CDH12: variants seen among roughly 807,000 people sequenced by gnomAD.
The protein encoded by CDH12 is cadherin 12, also known as cadherin-12.
CDH12 carries 41 observed loss-of-function variants against 74.1 expected under a neutral mutation model. That is an observed-to-expected ratio of 0.55 (90% CI 0.43 to 0.72). The LOEUF is 0.72. CDH12 is among the 30% of genes least tolerant of loss of function. The probability of loss-of-function intolerance (pLI) is 0.00; values close to 1 mark genes in which losing one functional copy is unlikely to be tolerated. For synonymous variants in CDH12, 399 were observed against 355.0 expected, an observed-to-expected ratio of 1.12 and a Z score of -1.39; for missense variants, 945 against 977.2, an observed-to-expected ratio of 0.97 and a Z score of 0.44.
Position 22,275,879 on chromosome 5 carries a change from C to G in CDH12, c.-332-63236G>C, listed in dbSNP as rs116500071. Among the ~76,000 whole-genome samples the G allele has an allele frequency of 7.9e-3, 1,197 of 152,136 alleles. 15 individuals are homozygous for G. Among genetic ancestry groups the G allele is most frequent in the African/African-American group, 0.027 (1,125 of 41,506 alleles). On this transcript the variant is annotated intron_variant, in intron 3 of 14. Transcript: ENST00000382254. ...AAAACCTCTACGACTAGTTCTTTGC[C>G]CAATTGGTGATTTAATTGGTGACAG...
At chr5:22,318,925 C>T (rs1219538468) in intron 3 of CDH12, among the ~76,000 whole-genome samples, 1 of 151,924 alleles carries the variant, frequency 6.6e-6, no homozygotes, top group Non-Finnish European at 1.5e-5. Flanking sequence ...ATGTATGTGT[C>T]AATGTCTCTG....
intron 2 of CDH12, among the ~76,000 whole-genome samples, chr5:22,478,781 T>A (rs1338594394): frequency 2.0e-5 from 3 of 152,156 alleles, no homozygotes; most frequent in African/African-American, 7.2e-5. Context: ...ACCCTCTATA[T>A]CATAAATATT....
intron 7 of CDH12, among the ~76,000 whole-genome samples, chr5:21,853,358 C>T (rs937737922): frequency 2.6e-5 from 4 of 151,564 alleles, no homozygotes; most frequent in African/African-American, 4.8e-5. Flanking sequence ...AGTACCGATA[C>T]TCCCTTCTTA....
intron 3 of CDH12, among the ~76,000 whole-genome samples, chr5:22,384,053 G>T (rs1388819115): frequency 6.6e-6 from 1 of 151,776 alleles, no homozygotes; most frequent in Non-Finnish European, 1.5e-5. Context: ...CTCAAACCTG[G>T]AATGTAAAGA....
At chr5:22,160,143 A>G (rs2150318103) in intron 4 of CDH12, among the ~76,000 whole-genome samples, 1 of 152,344 alleles carries the variant, frequency 6.6e-6, no homozygotes, top group Admixed American at 6.5e-5. Flanking sequence ...CTTCAGTTCA[A>G]TAGGGTATCC....
At chr5:22,448,850 A>G (rs546689762) in intron 2 of CDH12, among the ~76,000 whole-genome samples, 243 of 152,120 alleles carry the variant, frequency 1.6e-3, no homozygotes, top group African/African-American at 5.6e-3. Flanking sequence ...CTGGGCAACA[A>G]TAACTGAAAT....
At chr5:22,504,930 G>T (rs271100) in intron 2 of CDH12, among the ~76,000 whole-genome samples, 23,881 of 151,784 alleles carry the variant, frequency 0.16, 1,936 homozygotes, top group Middle Eastern at 0.2. Context: ...AATAAAAAAG[G>T]CAGAAATCAC....
chr5:21,937,436 T>A (rs973893547), intron 6 of CDH12, among the ~76,000 whole-genome samples: 1 of 152,108 alleles, frequency 6.6e-6, no homozygotes, highest in African/African-American at 2.4e-5. Context: ...AGGTTAAAGA[T>A]GATTTGGACC....
At chr5:22,057,796 G>A (rs1329703171) in intron 5 of CDH12, among the ~76,000 whole-genome samples, 1 of 152,152 alleles carries the variant, frequency 6.6e-6, no homozygotes, top group South Asian at 2.1e-4. Flanking sequence ...ATGGAGCGAT[G>A]ATGAAGATCT....
intron 5 of CDH12, among the ~76,000 whole-genome samples, chr5:22,071,247 G>A (rs1396423685): frequency 6.6e-6 from 1 of 151,830 alleles, no homozygotes; most frequent in Non-Finnish European, 1.5e-5. Context: ...TTTCTCTGGA[G>A]AATCCTAACT....
chr5:22,191,628 G>A (rs1750301104), intron 4 of CDH12, among the ~76,000 whole-genome samples: 1 of 57,002 alleles, frequency 1.8e-5, no homozygotes, highest in African/African-American at 5.2e-5. Flanking sequence ...GCAGTGGCGG[G>A]ATCTCGGCTC....
chr5:22,275,093 C>G (rs900465670), intron 3 of CDH12, among the ~76,000 whole-genome samples: 1 of 151,954 alleles, frequency 6.6e-6, no homozygotes, highest in African/African-American at 2.4e-5. Flanking sequence ...GAAAAGGACA[C>G]AGAGAGGGGA....
At chr5:22,597,193 C>A (rs1037985070) in intron 1 of CDH12, among the ~76,000 whole-genome samples, 32 of 152,260 alleles carry the variant, frequency 2.1e-4, no homozygotes, top group African/African-American at 6.5e-4. Context: ...AATACTCTCC[C>A]ATTTTTACAT....
chr5:22,606,314 C>T (rs1308009722), intron 1 of CDH12, among the ~76,000 whole-genome samples: 1 of 152,132 alleles, frequency 6.6e-6, no homozygotes, highest in East Asian at 1.9e-4. Context: ...ACTCCCTGTG[C>T]CATCTCATGG....
intron 1 of CDH12, among the ~76,000 whole-genome samples, chr5:22,624,078 T>A (rs1482776839): frequency 6.6e-6 from 1 of 152,144 alleles, no homozygotes; most frequent in East Asian, 1.9e-4. Flanking sequence ...GATTCCCTAT[T>A]TAATAAATGG....
At chr5:22,818,129 A>G (rs1317221492) in intron 1 of CDH12, among the ~76,000 whole-genome samples, 1 of 152,154 alleles carries the variant, frequency 6.6e-6, no homozygotes, top group African/African-American at 2.4e-5. Context: ...TTCTGCAAAT[A>G]CCAGTTCGTC....
chr5:22,718,464 G>A (rs896784346), intron 1 of CDH12, among the ~76,000 whole-genome samples: 19 of 152,112 alleles, frequency 1.2e-4, no homozygotes, highest in African/African-American at 3.6e-4. Context: ...AAGGAATAAC[G>A]GTTGATGAAA....
At chr5:22,320,771 T>TA (rs1427927814) in intron 3 of CDH12, among the ~76,000 whole-genome samples, 2 of 152,192 alleles carry the variant, frequency 1.3e-5, no homozygotes, top group African/African-American at 4.8e-5. Flanking sequence ...CTGAGGCTCT[T>TA]AAAAAACAAA....
intron 5 of CDH12, among the ~76,000 whole-genome samples, chr5:22,069,916 C>T (rs1240504379): frequency 6.6e-6 from 1 of 152,050 alleles, no homozygotes; most frequent in Non-Finnish European, 1.5e-5. Flanking sequence ...GTTTTGTCTC[C>T]CCACAAGGTA....
Sources: allele counts gnomAD v4.1 joint callset (sites outside exome capture counted in the v4.1 genomes callset), GRCh38; gene constraint gnomAD v4.1.1; transcripts MANE v1.5; gene names NCBI Gene and HGNC (gene_info 2026-07-23, HGNC 2026-07-21).